Variants in TRAM1 observed in about 807,000 individuals in gnomAD.
The protein encoded by TRAM1 is translocation associated membrane protein 1.
A neutral mutation model predicts 48.7 loss-of-function variants in TRAM1; 17 were observed. That is an observed-to-expected ratio of 0.35 (90% confidence interval 0.24 to 0.52). TRAM1 has a LOEUF of 0.52. Among genes scored for constraint, TRAM1 ranks in the 20% least tolerant of loss-of-function variants. The probability of loss-of-function intolerance (pLI) is 0.94; values close to 1 mark genes in which losing one functional copy is unlikely to be tolerated. For synonymous variants in TRAM1, 182 were observed against 154.0 expected (o/e 1.18, Z -1.34); for missense variants, 351 against 441.5 (o/e 0.79, Z 1.84).
chr8:70,607,862 C>T, intron 1 of TRAM1: 1 of 457,582 alleles, frequency 2.2e-6, no homozygotes, highest in East Asian at 4.0e-5. Context: ...CGCGATGAGG[C>T]CCACCGGGAC....
chr8:70,595,852 T>A (rs113399121), intron 5 of TRAM1, among the ~76,000 whole-genome samples: 3 of 150,442 alleles, frequency 2.0e-5, no homozygotes, highest in African/African-American at 7.4e-5. Flanking sequence ...ACTAGAGAAA[T>A]AAAAAAGAAA....
At chr8:70,594,765 A>G (rs548672871) in intron 5 of TRAM1, among the ~76,000 whole-genome samples, 175 bp from the exon 6 acceptor site, 1 of 152,324 alleles carries the variant, frequency 6.6e-6, no homozygotes, top group East Asian at 1.9e-4. Context: ...TCTCCCTGTG[A>G]CAGTCCCACC....
chr8:70,587,035 T>C (rs761296326), intron 7 of TRAM1, 36 bp from the exon 8 acceptor site: 1 of 1,611,574 alleles, frequency 6.2e-7, no homozygotes, highest in Non-Finnish European at 8.5e-7. Flanking sequence ...GGAATATTAA[T>C]TATCAATTAA....
intron 1 of TRAM1, 114 bp from the exon 2 acceptor site, chr8:70,600,196 C>G: frequency 1.3e-6 from 1 of 747,144 alleles, no homozygotes. Context: ...AGGGCCTCCT[C>G]GTTCCTGTGG....
chr8:70,574,292 T>C lies in TRAM1; in HGVS notation c.*640A>G, dbSNP rs1234593015. Reference sequence around the variant, plus strand: ...CACAAGTACTTTTAAGAATATACTTTGATTTAATATGTATGTTAGTAAAAC... The same window carrying C: ...CACAAGTACTTTTAAGAATATACTTCGATTTAATATGTATGTTAGTAAAAC... On this transcript the variant is annotated 3_prime_UTR_variant, in exon 11 of 11. Coordinates refer to ENST00000262213, the MANE Select transcript of TRAM1 (RefSeq NM_014294.6). 2.5e-6 allele frequency: 1 copy of C among 392,384 alleles called. No homozygotes were observed. Among genetic ancestry groups the C allele is most frequent in the African/African-American group, 2.2e-5 (1 of 45,736 alleles). 24.3% of individuals were successfully genotyped at this position (392,384 alleles called of 1,614,324 possible).
At position 70,599,321 on chromosome 8, in the gene TRAM1, G is replaced by T. The variant is rs150028716; in HGVS notation, c.187+698C>A. On this transcript the variant is annotated intron_variant, in intron 2 of 10. Transcript: ENST00000262213. ...CAACAAAAAACCCCAACTAAATGTG[G>T]TATACTATATTATCTTACATTCTAA... is the stretch of plus-strand genomic sequence containing the variant. Among the ~76,000 whole-genome samples the T allele has an allele frequency of 2.3e-3, 354 of 152,168 alleles. 1 individual carries two copies. The highest frequency in any genetic ancestry group is 3.4e-3 in the Non-Finnish European group (234 of 68,000).
rs572176660 is a variant in TRAM1 at position 70,590,110 on chromosome 8, T to C, written c.571-2934A>G. ...GTTTTTAACTGCTGATTGAACTCAT[T>C]TCATTGCATAAAAACTTGGGTAAGG... On this transcript the variant is annotated intron_variant, in intron 6 of 10. Coordinates refer to ENST00000262213, the MANE Select transcript of TRAM1 (RefSeq NM_014294.6). Among the ~76,000 whole-genome samples, 54 of 151,144 alleles carry C rather than the reference T, an allele frequency of 3.6e-4. No individual in the cohort carries two copies. In the East Asian group the frequency reaches 7.9e-3, roughly 22 times the overall value.
At chr8:70,586,824 G>T in intron 8 of TRAM1, 71 bp downstream of exon 8, 1 of 1,279,014 alleles carries the variant, frequency 7.8e-7, no homozygotes, top group African/African-American at 1.5e-5. Context: ...CCTAAAGCAT[G>T]GATCTTGGCA....
At chr8:70,585,537 G>A (rs1817191403) in intron 8 of TRAM1, among the ~76,000 whole-genome samples, 1 of 135,658 alleles carries the variant, frequency 7.4e-6, no homozygotes, top group Non-Finnish European at 1.6e-5. Context: ...CTGACAAAGG[G>A]CTAATATCCA....
At chr8:70,608,054 G>A (rs748731025) in intron 1 of TRAM1, 23 bp downstream of exon 1, 2 of 1,577,668 alleles carry the variant, frequency 1.3e-6, no homozygotes, top group Admixed American at 3.6e-5. Context: ...GGGGCAGGCG[G>A]TTGGGACTCG....
intron 6 of TRAM1, among the ~76,000 whole-genome samples, chr8:70,591,642 C>G (rs1409376383): frequency 6.6e-6 from 1 of 152,132 alleles, no homozygotes; most frequent in East Asian, 1.9e-4. Context: ...CTTGACTACT[C>G]TATACTGAAA....
At chr8:70,586,047 G>A (rs1203998038) in intron 8 of TRAM1, among the ~76,000 whole-genome samples, 1 of 150,916 alleles carries the variant, frequency 6.6e-6, no homozygotes, top group Non-Finnish European at 1.5e-5. Flanking sequence ...TGATAGACTG[G>A]ATTAAGAAAA....
intron 10 of TRAM1, among the ~76,000 whole-genome samples, chr8:70,582,792 T>A (rs1049166595): frequency 6.6e-6 from 1 of 152,076 alleles, no homozygotes; most frequent in African/African-American, 2.4e-5. Flanking sequence ...TTGGGACAAA[T>A]GGGCAGATGG....
At position 70,597,907 on chromosome 8, in the gene TRAM1, G is replaced by T; in HGVS notation, c.414C>A (p.Phe138Leu). The part of the protein sequence containing the change: ...FYLFACVWGT[F>L]ILISENYISD... ...AGGACATACTTACAGAGATGAGAAT[G>T]AATGTGCCCCAAACACAGGCAAAAA... The change falls in exon 4 of 11, where the codon TTC becomes TTA. Residue 138 changes from phenylalanine to leucine, a missense_variant. Coordinates refer to ENST00000262213, the MANE Select transcript of TRAM1 (RefSeq NM_014294.6). 6.3e-7 allele frequency: 1 copy of T among 1,596,224 alleles called. No individual in the cohort carries two copies. Among genetic ancestry groups the T allele is most frequent in the Non-Finnish European group, 8.6e-7 (1 of 1,169,496 alleles).
intron 6 of TRAM1, among the ~76,000 whole-genome samples, chr8:70,592,823 A>G (rs1423628979): frequency 2.0e-5 from 3 of 152,248 alleles, no homozygotes; most frequent in Admixed American, 1.3e-4. Context: ...GAAATGTTCC[A>G]TATCTCCTCT....
chr8:70,595,589 A>T (rs1372428505), intron 5 of TRAM1, among the ~76,000 whole-genome samples: 1 of 152,210 alleles, frequency 6.6e-6, no homozygotes, highest in Admixed American at 6.5e-5. Flanking sequence ...ACCAAGGCAC[A>T]TATAGTCTTA....
chr8:70,584,877 G>A (rs915616747), intron 8 of TRAM1, among the ~76,000 whole-genome samples: 2 of 152,078 alleles, frequency 1.3e-5, no homozygotes, highest in African/African-American at 4.8e-5. Context: ...TAGATTCAAT[G>A]CCATCCCCAT....
chr8:70,581,415 T>C (rs1428067864), intron 10 of TRAM1, among the ~76,000 whole-genome samples: 4 of 152,250 alleles, frequency 2.6e-5, no homozygotes, highest in Non-Finnish European at 5.9e-5. Flanking sequence ...AATAAACTTT[T>C]CTTAAAAATG....
intron 10 of TRAM1, among the ~76,000 whole-genome samples, chr8:70,581,148 G>A (rs1442660366): frequency 1.3e-5 from 2 of 152,326 alleles, no homozygotes; most frequent in East Asian, 3.9e-4. Context: ...AGCTACCTGG[G>A]AGGCTGATGG....
Sources: allele counts gnomAD v4.1 joint callset (sites outside exome capture counted in the v4.1 genomes callset), GRCh38; gene constraint gnomAD v4.1.1; transcripts MANE v1.5; gene names NCBI Gene and HGNC (gene_info 2026-07-23, HGNC 2026-07-21).